The following TAMM41 variants were observed in gnomAD, a reference collection of about 807,000 sequenced individuals.
The protein encoded by TAMM41 is TAM41 mitochondrial translocator assembly and maintenance homolog.
Under a neutral mutation model 44.1 loss-of-function variants are expected in TAMM41, and 36 were observed. That is an observed-to-expected ratio of 0.82 (90% CI 0.63 to 1.08). TAMM41 has a LOEUF of 1.08. TAMM41 is among the 50% of genes least tolerant of loss of function. TAMM41 has a pLI of 0.00. For missense variants in TAMM41, 417 were observed against 404.3 expected, an observed-to-expected ratio of 1.03 and a Z score of -0.27; for synonymous variants, 164 against 153.1, an observed-to-expected ratio of 1.07 and a Z score of -0.53.
rs1381758303 is a variant in TAMM41 at position 11,837,714 on chromosome 3, C to T, written c.411+1508G>A. On this transcript the variant is annotated intron_variant, in intron 3 of 7. Coordinates refer to ENST00000455809, the MANE Select transcript of TAMM41 (RefSeq NM_001284401.2). ...CACGACTCAGGCACTGCCCTTGGGACGCATCAGTGGACAAACGGTGCCTCC... is the reference window on the plus strand; with the variant it reads ...CACGACTCAGGCACTGCCCTTGGGATGCATCAGTGGACAAACGGTGCCTCC... 9.9e-5 allele frequency among the ~76,000 whole-genome samples: 15 copies of T among 152,204 alleles called. No individual in the cohort carries two copies. The East Asian group carries it at 1.7e-3, about 18-fold the overall frequency.
chr3:11,825,233 T>A (rs1412090091), intron 4 of TAMM41, among the ~76,000 whole-genome samples: 1 of 152,252 alleles, frequency 6.6e-6, no homozygotes, highest in African/African-American at 2.4e-5. Flanking sequence ...TTTCAGGGAC[T>A]GAATGAATGT....
intron 4 of TAMM41, among the ~76,000 whole-genome samples, chr3:11,824,483 G>T (rs944259271): frequency 4.0e-5 from 6 of 149,908 alleles, no homozygotes; most frequent in African/African-American, 1.5e-4. Context: ...TAGTAGAGAT[G>T]GGGTTTCATC....
the TAMM41 span, among the ~76,000 whole-genome samples, chr3:11,726,271 G>A: frequency 6.6e-6 from 1 of 152,204 alleles, no homozygotes; most frequent in African/African-American, 2.4e-5. Context: ...TGAAGATGTG[G>A]GTTCTAGTTC....
intron 2 of TAMM41, among the ~76,000 whole-genome samples, chr3:11,841,530 C>T (rs1360723604): frequency 6.6e-6 from 1 of 152,118 alleles, no homozygotes; most frequent in Admixed American, 6.5e-5. Context: ...ATATAAAAAG[C>T]AGTTAAAAAT....
the TAMM41 span, among the ~76,000 whole-genome samples, chr3:11,763,713 C>T: frequency 6.6e-6 from 1 of 152,196 alleles, no homozygotes; most frequent in Admixed American, 6.5e-5. Flanking sequence ...TGGGTGTTAT[C>T]GTTCATGTTT....
intron 6 of TAMM41, chr3:11,808,571 C>A (rs1363665781): frequency 1.7e-5 from 17 of 985,402 alleles, no homozygotes; most frequent in Non-Finnish European, 2.0e-5. Flanking sequence ...CGGAGGAGCT[C>A]AGTAAATATT....
chr3:11,728,655 A>C, the TAMM41 span, among the ~76,000 whole-genome samples: 7 of 152,130 alleles, frequency 4.6e-5, no homozygotes. Flanking sequence ...CCCTCTGGCG[A>C]TTAGTCGAAG....
the TAMM41 span, among the ~76,000 whole-genome samples, chr3:11,735,511 A>G: frequency 6.6e-6 from 1 of 151,198 alleles, no homozygotes; most frequent in East Asian, 2.0e-4. Context: ...GCGGGCACCT[A>G]TAGTCCCAGC....
the TAMM41 span, among the ~76,000 whole-genome samples, chr3:11,764,758 C>G: frequency 6.6e-6 from 1 of 152,074 alleles, no homozygotes; most frequent in Non-Finnish European, 1.5e-5. Flanking sequence ...TCCCAAAGTG[C>G]TGGGATCACA....
the TAMM41 span, among the ~76,000 whole-genome samples, chr3:11,748,218 A>G: frequency 1.3e-5 from 2 of 151,654 alleles, no homozygotes; most frequent in African/African-American, 4.8e-5. Context: ...CTCCCTCTTC[A>G]GCCTCAAAGT....
At chr3:11,755,815 A>G in the TAMM41 span, among the ~76,000 whole-genome samples, 4 of 152,104 alleles carry the variant, frequency 2.6e-5, no homozygotes, top group Non-Finnish European at 5.9e-5. Flanking sequence ...TAGGGTCCAC[A>G]CATGCCATGC....
chr3:11,809,359 G>T, intron 6 of TAMM41, 158 bp downstream of exon 6: 1 of 776,130 alleles, frequency 1.3e-6, no homozygotes, highest in Non-Finnish European at 2.0e-6. Context: ...TAAAAATGCA[G>T]ATTTAGAAAA....
intron 7 of TAMM41, among the ~76,000 whole-genome samples, chr3:11,800,704 C>T (rs1200181181): frequency 1.3e-5 from 2 of 152,114 alleles, no homozygotes; most frequent in African/African-American, 2.4e-5. Flanking sequence ...AGATAGATAG[C>T]AACACAATAA....
intron 5 of TAMM41, among the ~76,000 whole-genome samples, chr3:11,812,298 T>C (rs752983298): frequency 1.4e-4 from 22 of 152,182 alleles, no homozygotes; most frequent in Non-Finnish European, 2.8e-4. Context: ...GCACCACCTG[T>C]AGACCTAAAA....
At chr3:11,837,053 G>A (rs540651332) in intron 3 of TAMM41, among the ~76,000 whole-genome samples, 1 of 152,180 alleles carries the variant, frequency 6.6e-6, no homozygotes, top group Non-Finnish European at 1.5e-5. Context: ...TGCCCGGATC[G>A]AGTATTTCTG....
At chr3:11,734,468 G>T in the TAMM41 span, among the ~76,000 whole-genome samples, 1 of 152,152 alleles carries the variant, frequency 6.6e-6, no homozygotes, top group Admixed American at 6.5e-5. Flanking sequence ...TTCTGATCCT[G>T]ACAGCTCCTC....
the TAMM41 span, among the ~76,000 whole-genome samples, chr3:11,740,092 C>A: frequency 6.6e-6 from 1 of 151,226 alleles, no homozygotes; most frequent in African/African-American, 2.4e-5. Context: ...CAAAACAAAA[C>A]AAAAAAAACA....
chr3:11,785,920 A>G (rs2077414038), downstream of TAMM41, among the ~76,000 whole-genome samples: 1 of 152,134 alleles, frequency 6.6e-6, no homozygotes, highest in Non-Finnish European at 1.5e-5. Flanking sequence ...TGCCTGGCCC[A>G]AGTGGCATCT....
chr3:11,733,956 T>C, the TAMM41 span, among the ~76,000 whole-genome samples: 412 of 152,168 alleles, frequency 2.7e-3, 1 homozygote, highest in Admixed American at 5.1e-3. Flanking sequence ...TGACCCTCTT[T>C]AGCCAGCAAG....
Sources: gnomAD v4.1 joint callset for allele counts (sites outside exome capture counted in the v4.1 genomes callset) on GRCh38, gnomAD v4.1.1 for gene constraint, MANE v1.5 for transcripts, NCBI Gene and HGNC (gene_info 2026-07-23, HGNC 2026-07-21) for gene names.